SNX9: variants seen among roughly 807,000 people sequenced by gnomAD.
The protein encoded by SNX9 is sorting nexin 9.
Under a neutral mutation model 89.4 loss-of-function variants are expected in SNX9, and 44 were observed. The observed-to-expected ratio is 0.49, with a 90% CI of 0.39 to 0.63. The LOEUF (loss-of-function observed/expected upper bound fraction) is 0.63, where lower values mean the gene tolerates loss of function less well. Among genes scored for constraint, SNX9 ranks in the 30% least tolerant of loss-of-function variants. SNX9 has a pLI of 0.00. For synonymous variants in SNX9, 236 were observed against 247.8 expected, an observed-to-expected ratio of 0.95 and a Z score of 0.45; for missense variants, 578 against 736.1, an observed-to-expected ratio of 0.79 and a Z score of 2.49.
In SNX9 at chr6:157,847,042, C is replaced by CA. The variant is rs137937937; in HGVS notation, c.13-20497dup. Among the ~76,000 whole-genome samples, 1,533 of 151,466 alleles carry CA rather than the reference C, an allele frequency of 0.01. 55 individuals carry two copies. The East Asian group carries it at 0.13, about 13-fold the overall frequency. On this transcript the variant is annotated intron_variant, in intron 1 of 17. Transcript: ENST00000392185. ...TGGGCAACAGAGCAAGGCTCCATCT[C>CA]AAAAAAAAGATTATTCTTAATTATA...
chr6:157,881,278 T>G (rs1782615899), intron 4 of SNX9, among the ~76,000 whole-genome samples: 1 of 152,198 alleles, frequency 6.6e-6, no homozygotes, highest in African/African-American at 2.4e-5. Context: ...GTAATTGTTT[T>G]GAGGCACCAC....
At chr6:157,933,518 C>T (rs1164871272) in intron 13 of SNX9, among the ~76,000 whole-genome samples, 1 of 152,182 alleles carries the variant, frequency 6.6e-6, no homozygotes, top group Non-Finnish European at 1.5e-5. Context: ...GTTCTCATTG[C>T]CCTGGCCTTA....
At chr6:157,841,083 T>C (rs1251150683) in intron 1 of SNX9, among the ~76,000 whole-genome samples, 3 of 152,168 alleles carry the variant, frequency 2.0e-5, no homozygotes, top group Admixed American at 6.5e-5. Context: ...AGAGCAGCAG[T>C]AGAAGAAAGC....
chr6:157,866,675 A>G lies in SNX9; in HGVS notation c.13-872A>G, dbSNP rs572652865. On this transcript the variant is annotated intron_variant, in intron 1 of 17. Transcript: ENST00000392185. ...CACACTGCCCTATGTAAGTCTTGGT[A>G]TGGTGGAAGAGTACCCAAATCTTAA... is the stretch of plus-strand genomic sequence containing the variant. 7.2e-5 allele frequency among the ~76,000 whole-genome samples: 11 copies of G among 152,362 alleles called. 1 individual carries two copies. The highest frequency in any genetic ancestry group is 3.4e-3 in the Middle Eastern group (1 of 294).
At chr6:157,887,615 G>A (rs1212087172) in intron 4 of SNX9, among the ~76,000 whole-genome samples, 1 of 152,090 alleles carries the variant, frequency 6.6e-6, no homozygotes, top group Non-Finnish European at 1.5e-5. Context: ...CGTATCTCAG[G>A]ATCACTTCTT....
chr6:157,930,640 A>T (rs1783793051), intron 12 of SNX9, among the ~76,000 whole-genome samples: 1 of 152,162 alleles, frequency 6.6e-6, no homozygotes, highest in Non-Finnish European at 1.5e-5. Flanking sequence ...AGCCACGCAT[A>T]CAAGCTTGTG....
chr6:157,926,984 T>TA, intron 10 of SNX9, 127 bp from the exon 11 acceptor site: 1 of 663,070 alleles, frequency 1.5e-6, no homozygotes, highest in African/African-American at 1.8e-5. Flanking sequence ...CAGAGGGAGA[T>TA]AGAGTGGGAG....
chr6:157,835,679 C>T, intron 1 of SNX9, among the ~76,000 whole-genome samples: 1 of 152,196 alleles, frequency 6.6e-6, no homozygotes, highest in African/African-American at 2.4e-5. Flanking sequence ...GCTGACTGAG[C>T]TGATGGTTTT....
At chr6:157,853,608 G>A (rs559156752) in intron 1 of SNX9, among the ~76,000 whole-genome samples, 3 of 152,122 alleles carry the variant, frequency 2.0e-5, no homozygotes, top group Admixed American at 2.0e-4. Flanking sequence ...TGACTAACTG[G>A]GTAGGGGAAT....
At chr6:157,836,624 A>G (rs1781588306) in intron 1 of SNX9, among the ~76,000 whole-genome samples, 2 of 148,430 alleles carry the variant, frequency 1.3e-5, no homozygotes, top group African/African-American at 5.0e-5. Flanking sequence ...ACAGAGTCTT[A>G]CTCTCGCCCA....
At position 157,875,068 on chromosome 6, in the gene SNX9, A is replaced by G. The variant is rs780001142; in HGVS notation, c.192A>G (p.Gly64=). 60 of 1,613,790 alleles carry G rather than the reference A, an allele frequency of 3.7e-5. No individual in the cohort carries two copies. Among genetic ancestry groups the G allele is most frequent in the Admixed American group, 5.0e-5 (3 of 59,978 alleles). The change falls in exon 4 of 18, where the codon GGA becomes GGG. Residue 64 remains glycine, a synonymous_variant. Transcript: ENST00000392185. ...TDYVEILPSD[G]KDQFSCGNSV... The stretch of plus-strand genomic sequence containing the variant: ...CTATTCAGATTTTACCCAGTGATGG[A>G]AAAGATCAATTTTCTTGTGGAAATT...
chr6:157,893,957 T>C (rs745363250), intron 4 of SNX9, among the ~76,000 whole-genome samples: 15 of 152,058 alleles, frequency 9.9e-5, no homozygotes, highest in Non-Finnish European at 1.6e-4. Flanking sequence ...AGTCCAGCTA[T>C]AGACCCAAAT....
intron 9 of SNX9, among the ~76,000 whole-genome samples, chr6:157,915,890 T>A (rs1783458775): frequency 1.3e-5 from 2 of 150,958 alleles, no homozygotes; most frequent in East Asian, 3.8e-4. Flanking sequence ...GTACTGTTTT[T>A]TAAATTTCCA....
intron 1 of SNX9, among the ~76,000 whole-genome samples, chr6:157,835,415 T>C (rs979924878): frequency 6.7e-5 from 10 of 149,554 alleles, no homozygotes; most frequent in Admixed American, 1.3e-4. Flanking sequence ...TCCCCTTCTT[T>C]TTTTTTTTTT....
intron 1 of SNX9, among the ~76,000 whole-genome samples, chr6:157,856,236 T>A (rs2115125348): frequency 6.6e-6 from 1 of 152,376 alleles, no homozygotes; most frequent in Non-Finnish European, 1.5e-5. Flanking sequence ...TATGGTTTTT[T>A]AAAAAGACAT....
intron 4 of SNX9, among the ~76,000 whole-genome samples, chr6:157,896,470 G>A (rs567895462): frequency 6.6e-6 from 1 of 152,330 alleles, no homozygotes; most frequent in East Asian, 1.9e-4. Flanking sequence ...ATGTGCAGCT[G>A]AAGTATGAAA....
At chr6:157,883,745 C>T (rs116216650) in intron 4 of SNX9, among the ~76,000 whole-genome samples, 1 of 152,210 alleles carries the variant, frequency 6.6e-6, no homozygotes, top group Non-Finnish European at 1.5e-5. Context: ...TTCCATCTTT[C>T]AGAAGCCCAT....
chr6:157,898,397 C>A (rs1229829511), intron 5 of SNX9, among the ~76,000 whole-genome samples: 1 of 152,182 alleles, frequency 6.6e-6, no homozygotes, highest in African/African-American at 2.4e-5. Context: ...ACTGCATTTG[C>A]AGGGAAGCTG....
At chr6:157,852,516 C>T (rs536046533) in intron 1 of SNX9, among the ~76,000 whole-genome samples, 10 of 152,288 alleles carry the variant, frequency 6.6e-5, no homozygotes, top group Non-Finnish European at 1.5e-4. Flanking sequence ...TACTACAGCA[C>T]CTCACACGTA....
Sources: gnomAD v4.1 joint callset for allele counts (sites outside exome capture counted in the v4.1 genomes callset) on GRCh38, gnomAD v4.1.1 for gene constraint, MANE v1.5 for transcripts, NCBI Gene and HGNC (gene_info 2026-07-23, HGNC 2026-07-21) for gene names.